Variants in RASGRP1 observed in about 807,000 individuals in gnomAD.
The protein encoded by RASGRP1 is RAS guanyl-releasing protein 1.
In RASGRP1, 37 loss-of-function variants were observed where a neutral mutation model predicts 95.1. That is an observed-to-expected ratio of 0.39 (90% CI 0.30 to 0.51). The LOEUF (loss-of-function observed/expected upper bound fraction) is 0.51, where lower values mean the gene tolerates loss of function less well. Ranked by LOEUF, RASGRP1 falls within the 20% of genes least tolerant of loss-of-function variation. The probability of loss-of-function intolerance (pLI) is 0.80; values close to 1 mark genes in which losing one functional copy is unlikely to be tolerated. For synonymous variants in RASGRP1, 325 were observed against 353.4 expected (o/e 0.92, Z 0.90); for missense variants, 711 against 965.4 (o/e 0.74, Z 3.49).
rs963585825 is a variant in RASGRP1 at position 38,489,117 on chromosome 15, T to G, written c.*1437A>C. 6.6e-6 allele frequency: 1 copy of G among 152,014 alleles called. No individual in the cohort carries two copies. Among genetic ancestry groups the G allele is most frequent in the Admixed American group, 6.6e-5 (1 of 15,266 alleles). 9.4% of individuals were successfully genotyped at this position (152,014 alleles called of 1,614,324 possible). ...TTATGAAGACTTGGTGCTATTGGCT[T>G]TAGTTTGGAACTTTTAATTGTTAAC... is the stretch of plus-strand genomic sequence containing the variant. On this transcript the variant is annotated 3_prime_UTR_variant, in exon 17 of 17. Coordinates refer to ENST00000310803, the MANE Select transcript of RASGRP1 (RefSeq NM_005739.4).
Position 38,492,374 on chromosome 15 carries a change from A to G in RASGRP1, c.2260-1686T>C, listed in dbSNP as rs181640551. Among the ~76,000 whole-genome samples, 3 of 152,262 alleles carry G rather than the reference A, an allele frequency of 2.0e-5. No homozygotes were observed. The East Asian group carries it at 5.8e-4, about 29-fold the overall frequency. On this transcript the variant is annotated intron_variant, in intron 16 of 16. Coordinates refer to ENST00000310803, the MANE Select transcript of RASGRP1 (RefSeq NM_005739.4). ...AACTTGTTTCTTCAGATGTTTCTCT[A>G]ATTCAGTTTCTGGGGGTCTGACAGG...
chr15:38,508,838 G>T (rs1293970692), intron 8 of RASGRP1, among the ~76,000 whole-genome samples: 1 of 152,208 alleles, frequency 6.6e-6, no homozygotes, highest in East Asian at 1.9e-4. Flanking sequence ...AGCTTTCTCA[G>T]AAGCAAAGAC....
chr15:38,494,669 G>C lies in RASGRP1; in HGVS notation c.1972C>G (p.Gln658Glu). 6.5e-7 allele frequency: 1 copy of C among 1,544,818 alleles called. No homozygotes were observed. Among genetic ancestry groups the C allele is most frequent in the Non-Finnish European group, 8.7e-7 (1 of 1,151,718 alleles). Reference sequence around the variant, plus strand: ...CTCTTCAGCCGAAGAGAAATCTTCTGTGAGGACACTCCCATCAGCATGATG... The same window carrying C: ...CTCTTCAGCCGAAGAGAAATCTTCTCTGAGGACACTCCCATCAGCATGATG... Reference protein sequence around the residue: ...RTIMLMGVSSQKISLRLKRAV... With the variant: ...RTIMLMGVSSEKISLRLKRAV... Residue 658 changes from glutamine to glutamate, a missense_variant, in exon 16 of 17, where the codon CAG becomes GAG. Transcript: ENST00000310803.
At position 38,500,070 on chromosome 15, in the gene RASGRP1, C is replaced by A. The variant is rs762585283; in HGVS notation, c.1720+33G>T. ...ATAGCAGCGTGAGAATGGACTGATACACCAGGAATATGTCAACAATATTGA... is the reference window on the plus strand; with the variant it reads ...ATAGCAGCGTGAGAATGGACTGATAAACCAGGAATATGTCAACAATATTGA... On this transcript the variant is annotated intron_variant, in intron 14 of 16. Transcript: ENST00000310803. 4 of 1,606,440 alleles carry A rather than the reference C, an allele frequency of 2.5e-6. No individual in the cohort carries two copies. The African/African-American group carries it at 4.0e-5, about 16-fold the overall frequency.
intron 7 of RASGRP1, among the ~76,000 whole-genome samples, chr15:38,511,931 TTTG>T (rs1305930460): frequency 6.6e-6 from 1 of 152,212 alleles, no homozygotes; most frequent in Non-Finnish European, 1.5e-5. Flanking sequence ...TCTCTCTCCT[TTTG>T]TTGTTGCTGA....
intron 2 of RASGRP1, among the ~76,000 whole-genome samples, chr15:38,546,788 C>T (rs575936509): frequency 5.9e-5 from 9 of 152,278 alleles, no homozygotes; most frequent in East Asian, 3.9e-4. Context: ...GGAAGACACA[C>T]GACACTACTG....
intron 2 of RASGRP1, among the ~76,000 whole-genome samples, chr15:38,542,895 G>A (rs999963148): frequency 1.6e-3 from 213 of 129,318 alleles, no homozygotes; most frequent in African/African-American, 5.8e-3. Context: ...ACATATATGT[G>A]TATATATATA....
rs5812044 is a variant in RASGRP1, at chr15:38,539,548, G to GT, written c.221-13145dup. On this transcript the variant is annotated intron_variant, in intron 2 of 16. Coordinates refer to ENST00000310803, the MANE Select transcript of RASGRP1 (RefSeq NM_005739.4). ...ATATCTACCACAGTCCTGCATTGCC[G>GT]TTTTTTTTTTTGTTTTTATTTATTT... Among the ~76,000 whole-genome samples the GT allele has an allele frequency of 9.7e-4, 144 of 148,544 alleles. 1 individual carries two copies. The highest frequency in any genetic ancestry group is 6.0e-3 in the South Asian group (28 of 4,650).
chr15:38,558,012 C>A (rs1040478240), intron 2 of RASGRP1, among the ~76,000 whole-genome samples: 1 of 151,996 alleles, frequency 6.6e-6, no homozygotes, highest in Non-Finnish European at 1.5e-5. Flanking sequence ...TGAACTCGGC[C>A]GGCAGTTGCA....
At chr15:38,504,697 C>T (rs766284198) in intron 10 of RASGRP1, 9 of 152,140 alleles carry the variant, frequency 5.9e-5, no homozygotes, top group Non-Finnish European at 1.0e-4. Context: ...GTGCATAAAC[C>T]GGTAATACTT....
chr15:38,494,705 T>G lies in RASGRP1; in HGVS notation c.1936A>C (p.Lys646Gln). The change falls in exon 16 of 17, where the codon AAG (lysine) becomes CAG (glutamine). Residue 646 changes from lysine (K) to glutamine (Q), a missense_variant. Lys to Gln is a moderately conservative substitution (Grantham distance 53). Transcript: ENST00000310803. ...CCCATCAGCATGATGGTCCGATCCT[T>G]ACTCTCCTCACCATGTTCCACAGCC... ...GEAVEHGEES[K>Q]DRTIMLMGVS... The G allele has an allele frequency of 1.3e-6, 2 of 1,524,668 alleles. No individual in the cohort carries two copies. Among genetic ancestry groups the G allele is most frequent in the Non-Finnish European group, 1.8e-6 (2 of 1,140,378 alleles). The allele number at this position is 1,524,668 out of a possible 1,614,324, so 94.4% of individuals were successfully genotyped here.
rs56318260 is a variant in RASGRP1, at chr15:38,498,685, G to A, written c.1873+109C>T. 2,086 of 1,370,174 alleles carry A rather than the reference G, an allele frequency of 1.5e-3. 2 individuals are homozygous for A. The highest frequency in any genetic ancestry group is 1.8e-3 in the Non-Finnish European group (1,830 of 1,013,912). The allele number at this position is 1,370,174 out of a possible 1,614,324, so 84.9% of individuals were successfully genotyped here. On this transcript the variant is annotated intron_variant, in intron 15 of 16. Transcript: ENST00000310803. ...AGGGGTCAGCCCTGGCCTAGCTGTTGAGGTTACATTTAAACTCAAACACAG... is the reference window on the plus strand; with the variant it reads ...AGGGGTCAGCCCTGGCCTAGCTGTTAAGGTTACATTTAAACTCAAACACAG...
chr15:38,556,269 G>A (rs1422285573), intron 2 of RASGRP1, among the ~76,000 whole-genome samples: 1 of 152,206 alleles, frequency 6.6e-6, no homozygotes, highest in Non-Finnish European at 1.5e-5. Flanking sequence ...ACTCAAGGCC[G>A]TAAGTTTCTA....
intron 13 of RASGRP1, 146 bp from the exon 14 acceptor site, chr15:38,500,285 T>C: frequency 1.3e-6 from 1 of 760,084 alleles, no homozygotes; most frequent in Non-Finnish European, 2.2e-6. Flanking sequence ...TTGTCCCTTC[T>C]GACCTTAAAT....
chr15:38,516,343 G>A lies in RASGRP1; in HGVS notation c.529C>T (p.Arg177Cys), dbSNP rs769765288. ...RLIDTTQINA[R>C]DWSRKLTQRI... ...TGAGTAAGTTTCCTGGACCAGTCACGGGCATTGCTTTTGTGGGTAAATGTG... is the reference window on the plus strand; with the variant it reads ...TGAGTAAGTTTCCTGGACCAGTCACAGGCATTGCTTTTGTGGGTAAATGTG... The change falls in exon 6 of 17, where the codon CGT (arginine) becomes TGT (cysteine). Residue 177 changes from arginine to cysteine, a missense_variant. By Grantham distance (180) the Arg-to-Cys change is radical. Around this residue, in one of 3 missense-constraint regions of RASGRP1, gnomAD observed 491 missense variants for 676.6 expected, o/e 0.73. Transcript: ENST00000310803. 6 of 1,610,432 alleles carry A rather than the reference G, an allele frequency of 3.7e-6. No individual in the cohort carries two copies. Among genetic ancestry groups the A allele is most frequent in the African/African-American group, 1.3e-5 (1 of 74,910 alleles).
rs750535294 is a variant in RASGRP1 at position 38,490,643 on chromosome 15, G to A, written c.2305C>T (p.Leu769=). The part of the protein sequence containing the change: ...KADNDALKIQ[L]KYAQKKIESL... ...TCTATTTTCTTCTGTGCATATTTCA[G>A]TTGGATCTTTAGGGCATCATTATCT... The change falls in exon 17 of 17, where the codon CTG becomes TTG. Residue 769 remains leucine (L), a synonymous_variant. Transcript: ENST00000310803. The A allele has an allele frequency of 6.2e-7, 1 of 1,612,574 alleles. No individual in the cohort carries two copies. Among genetic ancestry groups the A allele is most frequent in the South Asian group, 1.1e-5 (1 of 91,020 alleles).
intron 1 of RASGRP1, among the ~76,000 whole-genome samples, chr15:38,560,792 G>A (rs541660418): frequency 6.6e-6 from 1 of 152,186 alleles, no homozygotes; most frequent in African/African-American, 2.4e-5. Flanking sequence ...AGAAAGCAGA[G>A]CTGTGAGAGC....
At chr15:38,515,887 C>CAGAGAGAGAGAGAG (rs34032922) in intron 6 of RASGRP1, among the ~76,000 whole-genome samples, 108 of 140,970 alleles carry the variant, frequency 7.7e-4, no homozygotes, top group African/African-American at 2.4e-3. Flanking sequence ...ATGAGAGAGA[C>CAGAGAGAGAGAGAG]AGAGAGAGAG....
chr15:38,508,868 A>T (rs1030323243), intron 8 of RASGRP1, among the ~76,000 whole-genome samples: 6 of 152,206 alleles, frequency 3.9e-5, no homozygotes, highest in Non-Finnish European at 8.8e-5. Flanking sequence ...CTGTCTGCCA[A>T]TCATGTTATC....
Sources: allele counts gnomAD v4.1 joint callset (sites outside exome capture counted in the v4.1 genomes callset), GRCh38; gene constraint gnomAD v4.1.1; regional missense constraint gnomAD v4.1.1; transcripts MANE v1.5; gene names NCBI Gene and HGNC (gene_info 2026-07-23, HGNC 2026-07-21).